CSMD1: variants seen among roughly 807,000 people sequenced by gnomAD.
CSMD1 encodes CUB and sushi domain-containing protein 1.
In CSMD1, 213 loss-of-function variants were observed where a neutral mutation model predicts 417.5. The observed-to-expected ratio is 0.51, with a 90% CI of 0.46 to 0.57. The LOEUF (loss-of-function observed/expected upper bound fraction) is 0.57. Among genes scored for constraint, CSMD1 ranks in the 20% least tolerant of loss-of-function variants. The pLI, the probability that CSMD1 is intolerant of heterozygous loss-of-function variation, is 0.00. For missense variants in CSMD1, 6,923 were observed against 4,529.7 expected (o/e 1.53, Z -15.17); for synonymous variants, 2,862 against 1,736.8 (o/e 1.65, Z -16.11).
intron 3 of CSMD1, among the ~76,000 whole-genome samples, chr8:4,273,247 G>T (rs576753321): frequency 6.6e-6 from 1 of 151,934 alleles, no homozygotes; most frequent in Admixed American, 6.6e-5. Context: ...TTATAAAAAG[G>T]CAATGAGCAT....
chr8:3,323,797 G>A (rs927780753), intron 23 of CSMD1, among the ~76,000 whole-genome samples: 1 of 136,238 alleles, frequency 7.3e-6, no homozygotes, highest in African/African-American at 2.7e-5. Context: ...CAACCCCAGA[G>A]ACCCAGGAGG....
chr8:3,454,758 C>G (rs777255798), intron 12 of CSMD1, among the ~76,000 whole-genome samples: 3 of 152,196 alleles, frequency 2.0e-5, no homozygotes, highest in Admixed American at 6.5e-5. Context: ...TTTTCTTCAT[C>G]TCTACTTTGC....
At chr8:2,992,046 G>A (rs1421623959) in intron 54 of CSMD1, among the ~76,000 whole-genome samples, 1 of 152,178 alleles carries the variant, frequency 6.6e-6, no homozygotes, top group Non-Finnish European at 1.5e-5. Context: ...AAATTTTAGT[G>A]TGTATGTATA....
chr8:3,482,700 G>A (rs529550537), intron 11 of CSMD1, among the ~76,000 whole-genome samples: 3 of 152,258 alleles, frequency 2.0e-5, no homozygotes, highest in Admixed American at 6.5e-5. Context: ...CCTATGAAAA[G>A]CTGACAAAAG....
At chr8:4,094,306 G>A (rs972798047) in intron 3 of CSMD1, among the ~76,000 whole-genome samples, 1 of 152,108 alleles carries the variant, frequency 6.6e-6, no homozygotes, top group Non-Finnish European at 1.5e-5. Flanking sequence ...AGAAGAATCA[G>A]CAGGCGACTG....
At chr8:3,956,377 G>C (rs550747545) in intron 5 of CSMD1, among the ~76,000 whole-genome samples, 3 of 152,148 alleles carry the variant, frequency 2.0e-5, no homozygotes, top group East Asian at 3.9e-4. Context: ...TTAGAAGTGA[G>C]AGAGCTAGAA....
chr8:4,297,064 G>C (rs1306411732), intron 3 of CSMD1, among the ~76,000 whole-genome samples: 2 of 134,164 alleles, frequency 1.5e-5, no homozygotes, highest in East Asian at 2.2e-4. Flanking sequence ...TGGTCGGATG[G>C]GTTAGATAGG....
At chr8:4,347,605 A>G (rs1800845968) in intron 3 of CSMD1, among the ~76,000 whole-genome samples, 1 of 152,214 alleles carries the variant, frequency 6.6e-6, no homozygotes, top group Non-Finnish European at 1.5e-5. Flanking sequence ...GATATTGGCC[A>G]TCTGCTCTGA....
chr8:3,405,131 C>T (rs914639628), intron 15 of CSMD1, among the ~76,000 whole-genome samples: 4 of 152,122 alleles, frequency 2.6e-5, no homozygotes, highest in Admixed American at 2.6e-4. Flanking sequence ...AATAATACGT[C>T]TCATTCACCT....
intron 3 of CSMD1, among the ~76,000 whole-genome samples, chr8:4,123,911 C>G (rs1001270798): frequency 1.3e-5 from 2 of 152,092 alleles, no homozygotes; most frequent in Non-Finnish European, 2.9e-5. Flanking sequence ...ATTTCACAAT[C>G]TCTTACAAAG....
At chr8:4,965,792 T>G (rs1809818874) in intron 1 of CSMD1, among the ~76,000 whole-genome samples, 2 of 152,190 alleles carry the variant, frequency 1.3e-5, no homozygotes, top group Non-Finnish European at 2.9e-5. Context: ...CAATCTAATT[T>G]TATGAGCTTC....
chr8:3,972,356 A>T (rs1158560720), intron 5 of CSMD1, among the ~76,000 whole-genome samples: 1 of 152,182 alleles, frequency 6.6e-6, no homozygotes, highest in Non-Finnish European at 1.5e-5. Context: ...ATATCATTTA[A>T]TTTTTGCTAA....
chr8:4,910,814 T>A (rs1427775921), intron 1 of CSMD1, among the ~76,000 whole-genome samples: 1 of 152,222 alleles, frequency 6.6e-6, no homozygotes, highest in African/African-American at 2.4e-5. Context: ...TTGATAAATG[T>A]CATTAGATAG....
chr8:4,641,038 G>A lies in CSMD1; in HGVS notation c.86-3480C>T, dbSNP rs185367150. Among the ~76,000 whole-genome samples, 5 of 150,468 alleles carry A rather than the reference G, an allele frequency of 3.3e-5. No homozygotes were observed. In the East Asian group the frequency reaches 6.0e-4, roughly 18 times the overall value. On this transcript the variant is annotated intron_variant, in intron 1 of 69. Coordinates refer to ENST00000635120, the MANE Select transcript of CSMD1 (RefSeq NM_033225.6). ...GAAGTTTGATTTCAATTTCAATTTC[G>A]ATTTCAATTTCATATATATATATAT...
In CSMD1 at chr8:3,226,428, C is replaced by CA. The variant is rs548109111; in HGVS notation, c.4346-2562dup. On this transcript the variant is annotated intron_variant, in intron 27 of 69. Transcript: ENST00000635120. ...CAAAACCTAGTCTCTACTAAAAATA[C>CA]AAAAAATAGCCGGGCGTGGTGGCAC... 2.7e-4 allele frequency among the ~76,000 whole-genome samples: 41 copies of CA among 151,944 alleles called. No individual in the cohort carries two copies. In the South Asian group the frequency reaches 4.6e-3, roughly 17 times the overall value.
intron 1 of CSMD1, among the ~76,000 whole-genome samples, chr8:4,900,759 G>C (rs1447254175): frequency 6.6e-6 from 1 of 152,158 alleles, no homozygotes; most frequent in Admixed American, 6.5e-5. Context: ...TTTCAGCTCA[G>C]AATCACATTC....
intron 3 of CSMD1, among the ~76,000 whole-genome samples, chr8:4,073,400 G>A (rs546456912): frequency 6.6e-6 from 1 of 152,180 alleles, no homozygotes; most frequent in African/African-American, 2.4e-5. Flanking sequence ...AGTAAATTTA[G>A]AAGAAGCTGA....
chr8:3,641,024 C>CTTTTTTTTTTTTTTTTTTTTTT (rs34851559), intron 7 of CSMD1, among the ~76,000 whole-genome samples: 3 of 102,752 alleles, frequency 2.9e-5, no homozygotes, highest in African/African-American at 3.9e-5. Flanking sequence ...TCCTTTTTTC[C>CTTTTTTTTTTTTTTTTTTTTTT]TTTTTTTTTT....
At chr8:3,138,543 G>C (rs1818243193) in intron 41 of CSMD1, among the ~76,000 whole-genome samples, 1 of 152,238 alleles carries the variant, frequency 6.6e-6, no homozygotes, top group South Asian at 2.1e-4. Context: ...AAGCACATCA[G>C]AATTCAAGCT....
Sources: gnomAD v4.1 joint callset for allele counts (sites outside exome capture counted in the v4.1 genomes callset) on GRCh38, gnomAD v4.1.1 for gene constraint, MANE v1.5 for transcripts, NCBI Gene and HGNC (gene_info 2026-07-23, HGNC 2026-07-21) for gene names.